The following ZBED1 variants were observed in gnomAD, a reference collection of about 807,000 sequenced individuals.
ZBED1 encodes the protein zinc finger BED-type containing 1.
Under a neutral mutation model 49.7 loss-of-function variants are expected in ZBED1, and 19 were observed. The observed-to-expected ratio is 0.38, with a 90% CI of 0.27 to 0.56. The LOEUF (loss-of-function observed/expected upper bound fraction) is 0.56. ZBED1 is among the 20% of genes least tolerant of loss of function. The pLI is 0.70. For missense variants in ZBED1, 806 were observed against 972.6 expected (o/e 0.83, Z 2.28); for synonymous variants, 439 against 440.3 (o/e 1.00, Z 0.04).
intron 1 of ZBED1, among the ~76,000 whole-genome samples, chrX:2,495,637 T>C (rs2045263515): frequency 6.6e-6 from 1 of 152,216 alleles, no homozygotes; most frequent in Non-Finnish European, 1.5e-5. Context: ...GCTGACCTTC[T>C]GCAGTGAGTA....
chrX:2,489,401 T>C lies in ZBED1; in HGVS notation c.1319A>G (p.Asp440Gly). 1 of 1,613,570 alleles carries C rather than the reference T, an allele frequency of 6.2e-7. No homozygotes were observed. Among genetic ancestry groups the C allele is most frequent in the Non-Finnish European group, 8.5e-7 (1 of 1,179,764 alleles). The change falls in exon 2 of 2, where the codon GAC becomes GGC. Residue 440 changes from aspartate (D) to glycine (G), a missense_variant. Coordinates refer to ENST00000652001, the MANE Select transcript of ZBED1 (RefSeq NM_001171136.2). Reference protein sequence around the residue: ...LNTTLNIKETDSKELSMAKEV... With the variant: ...LNTTLNIKETGSKELSMAKEV... ...CTTGGCCATGCTGAGCTCCTTGGAG[T>C]CGGTCTCCTTGATGTTGAGCGTGGT...
chrX:2,496,234 T>C (rs2045282402), intron 1 of ZBED1, among the ~76,000 whole-genome samples: 1 of 152,236 alleles, frequency 6.6e-6, no homozygotes, highest in South Asian at 2.1e-4. Flanking sequence ...AGTCTCGCCC[T>C]GTTGCCCAGG....
intron 1 of ZBED1, among the ~76,000 whole-genome samples, chrX:2,492,720 G>A (rs940436394): frequency 6.6e-6 from 1 of 152,002 alleles, no homozygotes; most frequent in Non-Finnish European, 1.5e-5. Flanking sequence ...GCCCAGGGAC[G>A]CCAGGAGCCC....
chrX:2,489,670 G>A lies in ZBED1; in HGVS notation c.1050C>T (p.Arg350=), dbSNP rs151054588. Residue 350 remains arginine, a synonymous_variant, in exon 2 of 2, where the codon CGC becomes CGT. Transcript: ENST00000652001. ...CCAGCGTGCTCCCCCACCAGGAGAC[G>A]CGGTTGCTCACCAGCATGCAGTGGG... is the stretch of plus-strand genomic sequence containing the variant. The part of the protein sequence containing the change: ...NVAHCMLVSN[R]VSWWGSTLAM... The A allele has an allele frequency of 1.4e-4, 218 of 1,612,408 alleles. 1 individual carries two copies. Among genetic ancestry groups the A allele is most frequent in the African/African-American group, 1.2e-3 (93 of 74,994 alleles).
Position 2,489,840 on chromosome X carries a change from T to C in ZBED1, c.880A>G (p.Thr294Ala). The C allele has an allele frequency of 6.2e-7, 1 of 1,613,648 alleles. No individual in the cohort carries two copies. The highest frequency in any genetic ancestry group is 8.5e-7 in the Non-Finnish European group (1 of 1,179,864). ...GCCTGCTGGATGCCGGCATTGAAGGTGTGGCCCAGGCAGGGCATGTGCACT... is the reference window on the plus strand; with the variant it reads ...GCCTGCTGGATGCCGGCATTGAAGGCGTGGCCCAGGCAGGGCATGTGCACT... ...VAVHMPCLGH[T>A]FNAGIQQAFQ... Residue 294 changes from threonine (T) to alanine (A), a missense_variant, in exon 2 of 2, where the codon ACC (threonine) becomes GCC (alanine). Thr to Ala is a moderately conservative substitution (Grantham distance 58). Coordinates refer to ENST00000652001, the MANE Select transcript of ZBED1 (RefSeq NM_001171136.2).
rs748700879 is a variant in ZBED1, at chrX:2,489,416, T to C, written c.1304A>G (p.Asn435Ser). The change falls in exon 2 of 2, where the codon AAC (asparagine) becomes AGC (serine). Residue 435 changes from asparagine to serine, a missense_variant. Transcript: ENST00000652001. The part of the protein sequence containing the change: ...LLHMLLNTTL[N>S]IKETDSKELS... ...CTCCTTGGAGTCGGTCTCCTTGATG[T>C]TGAGCGTGGTGTTCAGGAGCATGTG... 4.3e-6 allele frequency: 7 copies of C among 1,613,884 alleles called. No homozygotes were observed. The highest frequency in any genetic ancestry group is 5.9e-6 in the Non-Finnish European group (7 of 1,179,850).
At position 2,490,306 on chromosome X, in the gene ZBED1, C is replaced by T. The variant is rs757251517; in HGVS notation, c.414G>A (p.Leu138=). 5 of 1,613,478 alleles carry T rather than the reference C, an allele frequency of 3.1e-6. No homozygotes were observed. The highest frequency in any genetic ancestry group is 1.3e-5 in the African/African-American group (1 of 75,050). The change falls in exon 2 of 2, where the codon CTG becomes CTA. Residue 138 remains leucine, a synonymous_variant. Coordinates refer to ENST00000652001, the MANE Select transcript of ZBED1 (RefSeq NM_001171136.2). Reference sequence around the variant, plus strand: ...GCTCGTCCACGATGGAGGCTGGGTACAGCCCCTCGCAGATGAGGCCCAGCA... The same window carrying T: ...GCTCGTCCACGATGGAGGCTGGGTATAGCCCCTCGCAGATGAGGCCCAGCA... ...AAVLGLICEG[L]YPASIVDEPT...
Position 2,488,829 on chromosome X carries a change from C to T in ZBED1, c.1891G>A (p.Ala631Thr), listed in dbSNP as rs771530924. 24 of 1,613,852 alleles carry T rather than the reference C, an allele frequency of 1.5e-5. No individual in the cohort carries two copies. The South Asian group carries it at 1.9e-4, about 13-fold the overall frequency. The change falls in exon 2 of 2, where the codon GCC becomes ACC. Residue 631 changes from alanine (A) to threonine (T), a missense_variant. Ala to Thr is a moderately conservative substitution (Grantham distance 58). Coordinates refer to ENST00000652001, the MANE Select transcript of ZBED1 (RefSeq NM_001171136.2). The stretch of plus-strand genomic sequence containing the variant: ...GCGGGAGCCAGCCGGTTCCTCTTGG[C>T]GCTGACCACGTTGGCGGCGGATCCG... ...LFGSAANVVS[A>T]KRNRLAPAHV... is the part of the protein sequence containing the mutation.
At chrX:2,490,914 G>T (rs2045120436) in intron 1 of ZBED1, 142 bp from the exon 2 acceptor site, 2 of 693,190 alleles carry the variant, frequency 2.9e-6, no homozygotes, top group South Asian at 1.9e-5. Context: ...CTTCCTTGCG[G>T]GTCACTTTTG....
At chrX:2,497,121 G>A (rs966145960) in intron 1 of ZBED1, among the ~76,000 whole-genome samples, 4 of 152,088 alleles carry the variant, frequency 2.6e-5, no homozygotes, top group African/African-American at 9.7e-5. Context: ...GGAGGCCGGG[G>A]GCAGGGGCTC....
Position 2,500,885 on chromosome X carries a change from T to C in ZBED1, c.-122A>G, listed in dbSNP as rs1313329608. 1.7e-6 allele frequency: 2 copies of C among 1,147,414 alleles called. No homozygotes were observed. Among genetic ancestry groups the C allele is most frequent in the South Asian group, 6.0e-5 (2 of 33,486 alleles). 71.1% of individuals were successfully genotyped at this position (1,147,414 alleles called of 1,614,324 possible). Reference sequence around the variant, plus strand: ...CAGGATCACCGCGGCGCCTACCGCGTAGACCCGCAGGGCCGCCCGCGCCGC... The same window carrying C: ...CAGGATCACCGCGGCGCCTACCGCGCAGACCCGCAGGGCCGCCCGCGCCGC... On this transcript the variant is annotated 5_prime_UTR_variant, in exon 1 of 2. Transcript: ENST00000652001.
intron 1 of ZBED1, among the ~76,000 whole-genome samples, chrX:2,498,537 C>T (rs984907712): frequency 2.0e-4 from 30 of 151,372 alleles, no homozygotes; most frequent in African/African-American, 7.0e-4. Context: ...GATACACACC[C>T]GGGTACAGAT....
chrX:2,492,648 A>G (rs747355640), intron 1 of ZBED1, among the ~76,000 whole-genome samples: 11 of 151,282 alleles, frequency 7.3e-5, no homozygotes, highest in Admixed American at 7.2e-4. Flanking sequence ...GGAGACACAG[A>G]CACAGAGAAG....
intron 1 of ZBED1, 39 bp downstream of exon 1, chrX:2,500,778 G>T: frequency 2.2e-6 from 1 of 450,888 alleles, no homozygotes; most frequent in Non-Finnish European, 2.7e-6. Flanking sequence ...GCGCCCACCC[G>T]GGTCCCCGGA....
chrX:2,498,750 C>T (rs1403010583), intron 1 of ZBED1, among the ~76,000 whole-genome samples: 1 of 152,094 alleles, frequency 6.6e-6, no homozygotes, highest in African/African-American at 2.4e-5. Flanking sequence ...CCACACAGGC[C>T]CTTAAGGAGG....
Position 2,489,705 on chromosome X carries a change from G to C in ZBED1, c.1015C>G (p.Gln339Glu). ...ACCAGCATGCAGTGGGCCACGTTCT[G>C]CTGCTTCTGCTTCTCATAGAGCATG... ...MYMLYEKQKQ[Q>E]NVAHCMLVSN... Residue 339 changes from glutamine (Q) to glutamate (E), a missense_variant, in exon 2 of 2, where the codon CAG becomes GAG. Coordinates refer to ENST00000652001, the MANE Select transcript of ZBED1 (RefSeq NM_001171136.2). 6.2e-7 allele frequency: 1 copy of C among 1,612,842 alleles called. No homozygotes were observed. The highest frequency in any genetic ancestry group is 8.5e-7 in the Non-Finnish European group (1 of 1,179,836).
At position 2,490,762 on chromosome X, in the gene ZBED1, G is replaced by A. The variant is rs200870909; in HGVS notation, c.-43C>T. On this transcript the variant is annotated 5_prime_UTR_variant, in exon 2 of 2. The change creates a new upstream start codon in the 5' untranslated region. Coordinates refer to ENST00000652001, the MANE Select transcript of ZBED1 (RefSeq NM_001171136.2). ...CTGCCTGCTGGACGGCTGCTCATGC[G>A]TGGGGACCTGCTGAGAAGGGCCAAG... 7.8e-4 allele frequency: 1,234 copies of A among 1,584,764 alleles called. 5 individuals carry two copies. Among genetic ancestry groups the A allele is most frequent in the Middle Eastern group, 5.4e-3 (28 of 5,148 alleles).
Position 2,489,672 on chromosome X carries a change from G to A in ZBED1, c.1048C>T (p.Arg350Cys), listed in dbSNP as rs201125661. Residue 350 changes from arginine to cysteine, a missense_variant, in exon 2 of 2, where the codon CGC becomes TGC. Arg to Cys is a radical substitution (Grantham distance 180). Coordinates refer to ENST00000652001, the MANE Select transcript of ZBED1 (RefSeq NM_001171136.2). ...AGCGTGCTCCCCCACCAGGAGACGC[G>A]GTTGCTCACCAGCATGCAGTGGGCC... ...NVAHCMLVSN[R>C]VSWWGSTLAM... 4.2e-5 allele frequency: 67 copies of A among 1,612,426 alleles called. No individual in the cohort carries two copies. The highest frequency in any genetic ancestry group is 3.5e-4 in the South Asian group (32 of 90,934).
chrX:2,491,449 C>T (rs181688726), intron 1 of ZBED1, among the ~76,000 whole-genome samples: 197 of 152,228 alleles, frequency 1.3e-3, no homozygotes, highest in African/African-American at 4.3e-3. Flanking sequence ...GGGAAAGCTG[C>T]GTAGATCTTT....
Sources: allele counts gnomAD v4.1 joint callset (sites outside exome capture counted in the v4.1 genomes callset), GRCh38; gene constraint gnomAD v4.1.1; transcripts MANE v1.5; gene names NCBI Gene and HGNC (gene_info 2026-07-23, HGNC 2026-07-21).